Variants in CATSPERQ observed in about 807,000 individuals in gnomAD.
The protein encoded by CATSPERQ is cation channel sperm-associated auxiliary subunit theta.
At chr8:144,354,838 C>T in the CATSPERQ span, 3 of 1,494,950 alleles carry the variant, frequency 2.0e-6, no homozygotes, top group Non-Finnish European at 2.7e-6. This position sits in a 1 kb window ranked among gnomAD's most constrained non-coding sequence, Gnocchi z 4.6. Flanking sequence ...AGCGGCACTC[C>T]TACCTCGGTG....
the CATSPERQ span, chr8:144,354,609 G>T: frequency 1.1e-5 from 14 of 1,278,826 alleles, no homozygotes; most frequent in Middle Eastern, 1.4e-3. The surrounding 1 kb of genome is among the most constrained non-coding windows in gnomAD (Gnocchi z 4.6). Context: ...GCCCAGCCTC[G>T]CGCGCACCGT....
chr8:144,354,881 GAGC>G, the CATSPERQ span: 1 of 1,429,044 alleles, frequency 7.0e-7, no homozygotes, highest in South Asian at 1.5e-5. The surrounding 1 kb of genome is among the most constrained non-coding windows in gnomAD (Gnocchi z 4.6). Context: ...GCCCAGGAAG[GAGC>G]AGGAGCTCAC....
At chr8:144,354,397 G>T in the CATSPERQ span, 2 of 1,483,318 alleles carry the variant, frequency 1.3e-6, no homozygotes, top group East Asian at 2.5e-5. The surrounding 1 kb of genome is among the most constrained non-coding windows in gnomAD (Gnocchi z 4.6). Context: ...CGGTGCCAAG[G>T]CTTGGCCCGG....
the CATSPERQ span, chr8:144,354,544 G>A: frequency 7.0e-7 from 1 of 1,438,444 alleles, no homozygotes; most frequent in Admixed American, 2.1e-5. The surrounding 1 kb of genome is among the most constrained non-coding windows in gnomAD (Gnocchi z 4.6). Flanking sequence ...CAGGCCTCGG[G>A]CCCGTCTCCC....
At chr8:144,353,401 T>G in the CATSPERQ span, 3 of 1,535,598 alleles carry the variant, frequency 2.0e-6, no homozygotes, top group Admixed American at 5.9e-5. Flanking sequence ...ATGGGGCTCT[T>G]GCCCATCACA....
the CATSPERQ span, chr8:144,353,229 A>G: frequency 2.3e-6 from 3 of 1,284,034 alleles, no homozygotes; most frequent in Non-Finnish European, 3.1e-6. Flanking sequence ...ATCCGTGTGG[A>G]AGCTGAGGCA....
the CATSPERQ span, chr8:144,354,153 CG>C: frequency 6.5e-7 from 1 of 1,535,024 alleles, no homozygotes. The surrounding 1 kb of genome is among the most constrained non-coding windows in gnomAD (Gnocchi z 4.6). Flanking sequence ...TCTGCACCTG[CG>C]GGCGCCACGC....
At chr8:144,353,541 T>G in the CATSPERQ span, 1 of 1,528,774 alleles carries the variant, frequency 6.5e-7, no homozygotes, top group East Asian at 2.4e-5. Flanking sequence ...TGGGAGCAGG[T>G]GGCGCTCAAC....
the CATSPERQ span, chr8:144,353,764 T>G: frequency 6.5e-7 from 1 of 1,535,134 alleles, no homozygotes; most frequent in African/African-American, 1.4e-5. Context: ...GGCGCGTGTC[T>G]GGGCGGGACC....
At chr8:144,354,421 G>C in the CATSPERQ span, 6 of 1,386,880 alleles carry the variant, frequency 4.3e-6, no homozygotes, top group Non-Finnish European at 5.7e-6. This position sits in a 1 kb window ranked among gnomAD's most constrained non-coding sequence, Gnocchi z 4.6. Flanking sequence ...AGCTGGGTCC[G>C]CGCAGGGCTC....
the CATSPERQ span, chr8:144,354,589 G>A: frequency 4.5e-6 from 2 of 440,770 alleles, no homozygotes; most frequent in East Asian, 1.0e-4. The surrounding 1 kb of genome is among the most constrained non-coding windows in gnomAD (Gnocchi z 4.6). Context: ...GCCCCGCCCC[G>A]CCCCGCCCCG....
chr8:144,354,558 T>TACCCCC, the CATSPERQ span: 9 of 504,392 alleles, frequency 1.8e-5, no homozygotes, highest in African/African-American at 2.5e-5. This position sits in a 1 kb window ranked among gnomAD's most constrained non-coding sequence, Gnocchi z 4.6. Context: ...GTCTCCCTCC[T>TACCCCC]CCCCCGCCCC....
chr8:144,354,012 G>A, the CATSPERQ span: 5 of 1,535,358 alleles, frequency 3.3e-6, no homozygotes, highest in African/African-American at 6.8e-5. The surrounding 1 kb of genome is among the most constrained non-coding windows in gnomAD (Gnocchi z 4.6). Flanking sequence ...GGCACACGGT[G>A]CGGCCCTGGA....
the CATSPERQ span, chr8:144,354,202 G>A: frequency 7.1e-6 from 11 of 1,545,294 alleles, no homozygotes; most frequent in Middle Eastern, 6.7e-4. The surrounding 1 kb of genome is among the most constrained non-coding windows in gnomAD (Gnocchi z 4.6). Flanking sequence ...CCTCAGGGGA[G>A]GAGGGCGGTG....
the CATSPERQ span, chr8:144,354,234 C>T: frequency 1.9e-6 from 3 of 1,543,964 alleles, no homozygotes; most frequent in Non-Finnish European, 2.6e-6. The surrounding 1 kb of genome is among the most constrained non-coding windows in gnomAD (Gnocchi z 4.6). Flanking sequence ...CAGGGGCTCA[C>T]ACCTCTCTCA....
chr8:144,354,575 C>CCG, the CATSPERQ span: 1 of 450,470 alleles, frequency 2.2e-6, no homozygotes, highest in Non-Finnish European at 3.7e-6. This position sits in a 1 kb window ranked among gnomAD's most constrained non-coding sequence, Gnocchi z 4.6. Context: ...CCCCGCCCTT[C>CCG]CCAGCCCCGC....
the CATSPERQ span, chr8:144,354,555 T>TCCAACCCCCCCCCCCCCCCCCCCC: frequency 1.5e-6 from 1 of 681,608 alleles, no homozygotes; most frequent in Non-Finnish European, 2.2e-6. The surrounding 1 kb of genome is among the most constrained non-coding windows in gnomAD (Gnocchi z 4.6). Flanking sequence ...CCCGTCTCCC[T>TCCAACCCCCCCCCCCCCCCCCCCC]CCTCCCCCGC....
At chr8:144,354,219 G>A in the CATSPERQ span, 6 of 1,546,160 alleles carry the variant, frequency 3.9e-6, no homozygotes, top group African/African-American at 1.4e-5. This position sits in a 1 kb window ranked among gnomAD's most constrained non-coding sequence, Gnocchi z 4.6. Context: ...GGTGGGGGTC[G>A]GGCCCAGGGG....
the CATSPERQ span, chr8:144,354,724 C>T: frequency 6.5e-7 from 1 of 1,535,674 alleles, no homozygotes; most frequent in Non-Finnish European, 8.7e-7. This position sits in a 1 kb window ranked among gnomAD's most constrained non-coding sequence, Gnocchi z 4.6. Flanking sequence ...GAAGCGCCAG[C>T]CGATGGAGGT....
Sources: allele counts gnomAD v4.1 joint callset, GRCh38; gene constraint gnomAD v4.1.1; non-coding constraint Gnocchi (gnomAD v3.1); transcripts MANE v1.5; gene names NCBI Gene and HGNC (gene_info 2026-07-23, HGNC 2026-07-21).